Variants in SVIL observed in about 807,000 individuals in gnomAD.
SVIL encodes supervillin.
Under a neutral mutation model 240.4 loss-of-function variants are expected in SVIL, and 101 were observed. The observed-to-expected ratio is 0.42, with a 90% CI of 0.36 to 0.50. The LOEUF is 0.50. Ranked by LOEUF, SVIL falls within the 20% of genes least tolerant of loss-of-function variation. The pLI is 0.01. For synonymous variants in SVIL, 999 were observed against 1,100.0 expected, an observed-to-expected ratio of 0.91 and a Z score of 1.82; for missense variants, 2,512 against 2,818.7, an observed-to-expected ratio of 0.89 and a Z score of 2.46.
At chr10:29,522,309 G>T in intron 16 of SVIL, 101 bp downstream of exon 16, 1 of 1,128,726 alleles carries the variant, frequency 8.9e-7, no homozygotes, top group Non-Finnish European at 1.3e-6. Context: ...GAAGCTGAAT[G>T]TATGATTTCA....
intron 1 of SVIL, among the ~76,000 whole-genome samples, chr10:29,728,330 C>G (rs1192363486): frequency 6.6e-6 from 1 of 152,176 alleles, no homozygotes; most frequent in African/African-American, 2.4e-5. Flanking sequence ...CAAGGAAAGC[C>G]AAAATAAATT....
chr10:29,691,050 T>C (rs1284148153), intron 1 of SVIL, among the ~76,000 whole-genome samples: 1 of 152,182 alleles, frequency 6.6e-6, no homozygotes. Context: ...AACATTTTCT[T>C]CTGGAAGAGT....
rs570091845 is a variant in SVIL at position 29,494,781 on chromosome 10, T to C, written c.3841+133A>G. 1,349 of 838,512 alleles carry C rather than the reference T, an allele frequency of 1.6e-3. 5 individuals are homozygous for C. Among genetic ancestry groups the C allele is most frequent in the Non-Finnish European group, 1.6e-3 (862 of 523,710 alleles). The allele number at this position is 838,512 out of a possible 1,614,324, so 51.9% of individuals were successfully genotyped here. ...ATTGGGAGTCCCCAATTTAGTACGTTATCAAGTGAATCAGGGCTTGTTTCT... is the reference window on the plus strand; with the variant it reads ...ATTGGGAGTCCCCAATTTAGTACGTCATCAAGTGAATCAGGGCTTGTTTCT... On this transcript the variant is annotated intron_variant, in intron 20 of 37. Transcript: ENST00000355867.
At chr10:29,728,104 C>A (rs1207351200) in intron 1 of SVIL, among the ~76,000 whole-genome samples, 1 of 152,096 alleles carries the variant, frequency 6.6e-6, no homozygotes. Flanking sequence ...AAGGGTCTAG[C>A]ACAGTCTTAA....
intron 30 of SVIL, 88 bp from the exon 31 acceptor site, chr10:29,471,331 A>C (rs1945556850): frequency 9.5e-7 from 1 of 1,054,020 alleles, no homozygotes; most frequent in Non-Finnish European, 1.4e-6. Context: ...GAAAATCTGA[A>C]AAATACCAAG....
At chr10:29,546,578 T>C (rs1376225967) in intron 6 of SVIL, among the ~76,000 whole-genome samples, 1 of 151,582 alleles carries the variant, frequency 6.6e-6, no homozygotes. Context: ...ATAATGCTAA[T>C]GAGTACAGTA....
At chr10:29,504,041 A>G (rs562957771) in intron 17 of SVIL, among the ~76,000 whole-genome samples, 1 of 152,374 alleles carries the variant, frequency 6.6e-6, no homozygotes, top group African/African-American at 2.4e-5. Flanking sequence ...ATAGATTCAT[A>G]TAAATTTAGT....
intron 1 of SVIL, among the ~76,000 whole-genome samples, chr10:29,629,609 G>A (rs1285462054): frequency 7.8e-6 from 1 of 128,266 alleles, no homozygotes; most frequent in African/African-American, 2.6e-5. Flanking sequence ...CCCAAGCTTG[G>A]GCAAGCATTT....
At chr10:29,574,783 C>T (rs1364885307) in intron 1 of SVIL, among the ~76,000 whole-genome samples, 2 of 152,156 alleles carry the variant, frequency 1.3e-5, no homozygotes, top group South Asian at 4.1e-4. Context: ...ACATGGATGT[C>T]GCTGGTAAAG....
chr10:29,570,862 A>G (rs1036164390), intron 1 of SVIL, among the ~76,000 whole-genome samples: 2 of 152,246 alleles, frequency 1.3e-5, no homozygotes, highest in African/African-American at 4.8e-5. Context: ...AAATGTGTAT[A>G]AGTAACTGAA....
At chr10:29,594,175 A>G (rs1471087837) in intron 1 of SVIL, among the ~76,000 whole-genome samples, 3 of 152,228 alleles carry the variant, frequency 2.0e-5, no homozygotes, top group Non-Finnish European at 2.9e-5. Context: ...CATGTATATA[A>G]GGTATACATG....
chr10:29,569,960 C>T (rs1210705194), intron 1 of SVIL, among the ~76,000 whole-genome samples: 1 of 152,248 alleles, frequency 6.6e-6, no homozygotes. Flanking sequence ...TATAACCAGT[C>T]TAATGGCATG....
rs1227220811 is a variant in SVIL at position 29,590,017 on chromosome 10, A to T, written c.-200-20705T>A. Among the ~76,000 whole-genome samples the T allele has an allele frequency of 2.1e-4, 32 of 151,724 alleles. 1 individual carries two copies. Among genetic ancestry groups the T allele is most frequent in the Admixed American group, 2.1e-3 (32 of 15,246 alleles). On this transcript the variant is annotated intron_variant, in intron 1 of 37. Transcript: ENST00000355867. ...CCCGTCTCTACTAAAAATGCAAAAA[A>T]TTAGCCAGGTGTGGTGGCATGTGCC...
At chr10:29,573,413 TC>T (rs1168292265) in intron 1 of SVIL, among the ~76,000 whole-genome samples, 25 of 152,176 alleles carry the variant, frequency 1.6e-4, no homozygotes, top group African/African-American at 5.8e-4. Flanking sequence ...TAAAATTTAA[TC>T]TATTATTTAG....
At chr10:29,546,654 C>G (rs555238975) in intron 6 of SVIL, among the ~76,000 whole-genome samples, 6 of 152,054 alleles carry the variant, frequency 3.9e-5, no homozygotes, top group Non-Finnish European at 5.9e-5. Flanking sequence ...TGTTAATGTA[C>G]GTGAGCACAT....
At chr10:29,708,039 C>A (rs186393639) in intron 1 of SVIL, among the ~76,000 whole-genome samples, 1 of 150,808 alleles carries the variant, frequency 6.6e-6, no homozygotes, top group African/African-American at 2.4e-5. Context: ...AGGTGGATCA[C>A]GAGGTCAGGA....
At chr10:29,639,123 T>C (rs1958401338), upstream of SVIL, among the ~76,000 whole-genome samples, 1 of 152,164 alleles carries the variant, frequency 6.6e-6, no homozygotes, top group South Asian at 2.1e-4. Flanking sequence ...ATAAATATAA[T>C]AGAAAACAAG....
intron 1 of SVIL, among the ~76,000 whole-genome samples, chr10:29,717,737 A>T (rs1963715011): frequency 6.6e-6 from 1 of 152,202 alleles, no homozygotes. Flanking sequence ...GTCAAGTTGA[A>T]TGCGAATATC....
chr10:29,584,419 T>C (rs1271643118), intron 1 of SVIL, among the ~76,000 whole-genome samples: 2 of 152,210 alleles, frequency 1.3e-5, no homozygotes, highest in East Asian at 1.9e-4. Flanking sequence ...CCTGCCCTGC[T>C]GCCACCACTG....
Sources: allele counts gnomAD v4.1 joint callset (sites outside exome capture counted in the v4.1 genomes callset), GRCh38; gene constraint gnomAD v4.1.1; transcripts MANE v1.5; gene names NCBI Gene and HGNC (gene_info 2026-07-23, HGNC 2026-07-21).